HS3ST4: variants seen among roughly 807,000 people sequenced by gnomAD.
The protein encoded by HS3ST4 is heparan sulfate-glucosamine 3-sulfotransferase 4, also known as heparan sulfate glucosamine 3-O-sulfotransferase 4.
HS3ST4 carries 17 observed loss-of-function variants against 29.2 expected under a neutral mutation model. The observed-to-expected ratio is 0.58, with a 90% CI of 0.40 to 0.87. HS3ST4 has a LOEUF of 0.87. HS3ST4 is among the 40% of genes least tolerant of loss of function. The pLI is 0.00. For synonymous variants in HS3ST4, 314 were observed against 285.7 expected, an observed-to-expected ratio of 1.10 and a Z score of -1.00; for missense variants, 627 against 634.5, an observed-to-expected ratio of 0.99 and a Z score of 0.13.
In HS3ST4 at chr16:26,078,621, A is replaced by G. The variant is rs908055781; in HGVS notation, c.735-56991A>G. Among the ~76,000 whole-genome samples the G allele has an allele frequency of 3.3e-5, 5 of 152,218 alleles. No homozygotes were observed. The East Asian group carries it at 7.7e-4, about 23-fold the overall frequency. On this transcript the variant is annotated intron_variant, in intron 1 of 1. Transcript: ENST00000331351. ...CTTCAGAGGGCTTAAAATTATTTTC[A>G]GCATTAAACACGGTATATCTGAGCT... is the stretch of plus-strand genomic sequence containing the variant.
chr16:26,021,591 C>T (rs575666937), intron 1 of HS3ST4, among the ~76,000 whole-genome samples: 2 of 152,316 alleles, frequency 1.3e-5, no homozygotes, highest in South Asian at 4.1e-4. Context: ...GCGTACGAGG[C>T]TCACACATCA....
intron 1 of HS3ST4, among the ~76,000 whole-genome samples, chr16:26,011,802 G>A (rs1035946525): frequency 2.0e-5 from 3 of 151,694 alleles, no homozygotes; most frequent in African/African-American, 7.3e-5. Flanking sequence ...CAAGAGAAAA[G>A]ACATCCCTGT....
chr16:25,959,986 G>A (rs185333107), intron 1 of HS3ST4, among the ~76,000 whole-genome samples: 4 of 152,182 alleles, frequency 2.6e-5, no homozygotes, highest in South Asian at 2.1e-4. Flanking sequence ...AATACAAAAA[G>A]TTAGTGGAGC....
At chr16:25,894,066 C>A (rs370703552) in intron 1 of HS3ST4, among the ~76,000 whole-genome samples, 4 of 152,184 alleles carry the variant, frequency 2.6e-5, no homozygotes, top group African/African-American at 9.7e-5. Flanking sequence ...TCCTTTTGAA[C>A]AGAACAGGAG....
chr16:25,847,579 T>C (rs1967478814), intron 1 of HS3ST4, among the ~76,000 whole-genome samples: 1 of 152,204 alleles, frequency 6.6e-6, no homozygotes, highest in African/African-American at 2.4e-5. Flanking sequence ...TTTATTTTAA[T>C]TGAAATGCTT....
chr16:25,834,395 C>T (rs1165943182), intron 1 of HS3ST4, among the ~76,000 whole-genome samples: 2 of 152,036 alleles, frequency 1.3e-5, no homozygotes, highest in Admixed American at 1.3e-4. Flanking sequence ...CATTGAGGTG[C>T]AAAAAGAATG....
chr16:25,985,231 C>T (rs1285064847), intron 1 of HS3ST4, among the ~76,000 whole-genome samples: 1 of 152,186 alleles, frequency 6.6e-6, no homozygotes, highest in African/African-American at 2.4e-5. Context: ...ATACCCAGTT[C>T]AGTGCCTGGC....
At chr16:25,987,792 C>T (rs551147910) in intron 1 of HS3ST4, among the ~76,000 whole-genome samples, 8 of 151,620 alleles carry the variant, frequency 5.3e-5, no homozygotes, top group Admixed American at 2.0e-4. Context: ...TTTTTTGAGG[C>T]GGAGTCTTGC....
chr16:26,006,674 A>G (rs891870805), intron 1 of HS3ST4, among the ~76,000 whole-genome samples: 5 of 152,226 alleles, frequency 3.3e-5, no homozygotes, highest in African/African-American at 9.6e-5. Flanking sequence ...CAGAAGTGCA[A>G]AAACCTGAAA....
chr16:25,823,855 C>T (rs1483600121), intron 1 of HS3ST4, among the ~76,000 whole-genome samples: 7 of 152,212 alleles, frequency 4.6e-5, no homozygotes, highest in East Asian at 1.9e-4. Context: ...TAAGCCACTG[C>T]GCCTGGCCTA....
chr16:25,934,841 C>T (rs2141689264), intron 1 of HS3ST4, among the ~76,000 whole-genome samples: 1 of 152,244 alleles, frequency 6.6e-6, no homozygotes, highest in East Asian at 1.9e-4. Flanking sequence ...GTGGAAGATA[C>T]AGAGATTTCT....
chr16:25,760,606 A>C (rs969268486), intron 1 of HS3ST4, among the ~76,000 whole-genome samples: 1 of 151,938 alleles, frequency 6.6e-6, no homozygotes, highest in Non-Finnish European at 1.5e-5. Context: ...TTTAGTAGAG[A>C]TGGGGTTTCA....
chr16:26,071,135 C>A (rs1898597909), intron 1 of HS3ST4, among the ~76,000 whole-genome samples: 1 of 151,410 alleles, frequency 6.6e-6, no homozygotes, highest in South Asian at 2.1e-4. Context: ...ATTAATTATG[C>A]ATGAAGCCCT....
chr16:25,782,923 G>A (rs1343743632), intron 1 of HS3ST4, among the ~76,000 whole-genome samples: 1 of 152,122 alleles, frequency 6.6e-6, no homozygotes, highest in Non-Finnish European at 1.5e-5. Context: ...TTCTCTTGTG[G>A]TAATAGCTTG....
At chr16:25,698,682 C>G (rs955940635) in intron 1 of HS3ST4, among the ~76,000 whole-genome samples, 2 of 152,180 alleles carry the variant, frequency 1.3e-5, no homozygotes, top group Admixed American at 1.3e-4. Flanking sequence ...TTTCTCAAAT[C>G]AGTTTAGTCT....
At chr16:25,865,336 A>G (rs552343358) in intron 1 of HS3ST4, among the ~76,000 whole-genome samples, 1 of 152,180 alleles carries the variant, frequency 6.6e-6, no homozygotes, top group Non-Finnish European at 1.5e-5. Flanking sequence ...TTTTGGTAAT[A>G]GTAGCCACTC....
rs775431168 is a variant in HS3ST4, at chr16:25,842,906, T to G, written c.734+149755T>G. ...ATAAAATGAGGGCAATAATACTGGCTAACTCTGAGATGGTGGATTTTATTA... is the reference window on the plus strand; with the variant it reads ...ATAAAATGAGGGCAATAATACTGGCGAACTCTGAGATGGTGGATTTTATTA... On this transcript the variant is annotated intron_variant, in intron 1 of 1. Transcript: ENST00000331351. Among the ~76,000 whole-genome samples the G allele has an allele frequency of 2.6e-4, 39 of 152,222 alleles. 1 individual carries two copies. The highest frequency in any genetic ancestry group is 3.2e-4 in the Non-Finnish European group (22 of 68,040).
intron 1 of HS3ST4, among the ~76,000 whole-genome samples, chr16:25,860,972 G>A (rs556915845): frequency 5.3e-5 from 8 of 152,236 alleles, no homozygotes; most frequent in African/African-American, 1.9e-4. Context: ...AGGGGGACGG[G>A]GAGGATATGG....
At chr16:26,098,859 T>C (rs892882880) in intron 1 of HS3ST4, among the ~76,000 whole-genome samples, 4 of 151,982 alleles carry the variant, frequency 2.6e-5, no homozygotes, top group Admixed American at 1.3e-4. Context: ...AGGGTGTTGG[T>C]ATACCTAACT....
Sources: allele counts gnomAD v4.1 joint callset (sites outside exome capture counted in the v4.1 genomes callset), GRCh38; gene constraint gnomAD v4.1.1; transcripts MANE v1.5; gene names NCBI Gene and HGNC (gene_info 2026-07-23, HGNC 2026-07-21).